NSUN4: variants seen among roughly 807,000 people sequenced by gnomAD.
The protein encoded by NSUN4 is NOP2/Sun RNA methyltransferase 4.
In NSUN4, 31 loss-of-function variants were observed where a neutral mutation model predicts 43.8. That is an observed-to-expected ratio of 0.71 (90% CI 0.53 to 0.96). The LOEUF (loss-of-function observed/expected upper bound fraction) is 0.96, where lower values mean the gene tolerates loss of function less well. Ranked by LOEUF, NSUN4 falls within the 40% of genes least tolerant of loss-of-function variation. NSUN4 has a pLI of 0.00. For synonymous variants in NSUN4, 167 were observed against 184.1 expected, an observed-to-expected ratio of 0.91 and a Z score of 0.75; for missense variants, 439 against 475.6, an observed-to-expected ratio of 0.92 and a Z score of 0.72.
chr1:46,347,912 C>G (rs897549956), intron 3 of NSUN4, among the ~76,000 whole-genome samples: 1 of 147,916 alleles, frequency 6.8e-6, no homozygotes, highest in Non-Finnish European at 1.5e-5. Context: ...GAGTCTCACT[C>G]TGTCACCCAG....
downstream of NSUN4, among the ~76,000 whole-genome samples, chr1:46,367,273 A>G (rs574759246): frequency 6.6e-6 from 1 of 152,146 alleles, no homozygotes; most frequent in Non-Finnish European, 1.5e-5. Flanking sequence ...CATGCCAGAA[A>G]CTGCAGCTAT....
At chr1:46,366,704 CAAAA>C (rs34437222), downstream of NSUN4, among the ~76,000 whole-genome samples, 144 of 59,406 alleles carry the variant, frequency 2.4e-3, 4 homozygotes, top group East Asian at 0.086. Context: ...ACTAAAAATA[CAAAA>C]AAAAAAAAAA....
At chr1:46,379,372 T>C in the NSUN4 span, among the ~76,000 whole-genome samples, 1 of 152,128 alleles carries the variant, frequency 6.6e-6, no homozygotes, top group African/African-American at 2.4e-5. Flanking sequence ...ATCCCAGCAC[T>C]TTTGGAGGCA....
chr1:46,368,281 A>C (rs1569781143), downstream of NSUN4, among the ~76,000 whole-genome samples: 1 of 151,896 alleles, frequency 6.6e-6, no homozygotes, highest in Non-Finnish European at 1.5e-5. Context: ...AATTCCTCCC[A>C]TCCTGTCCCA....
At chr1:46,360,919 A>C in intron 5 of NSUN4, 91 bp downstream of exon 5, 1 of 1,386,198 alleles carries the variant, frequency 7.2e-7, no homozygotes, top group Non-Finnish European at 1.0e-6. Flanking sequence ...CATAACCCAC[A>C]CAAGAATCTT....
At position 46,360,242 on chromosome 1, in the gene NSUN4, AAAAAAAAATAT is replaced by A. The variant is rs1419980314; in HGVS notation, c.754-460_754-450del. Among the ~76,000 whole-genome samples the A allele has an allele frequency of 5.0e-4, 21 of 42,274 alleles. 1 individual carries two copies. The East Asian group carries it at 6.6e-3, about 13-fold the overall frequency. The allele number at this position is 42,274 out of a possible 152,430, so 27.7% of individuals were successfully genotyped here. On this transcript the variant is annotated intron_variant, in intron 4 of 5. Coordinates refer to ENST00000474844, the MANE Select transcript of NSUN4 (RefSeq NM_199044.4). Reference sequence around the variant, plus strand: ...AGACTCCATCTCAAAAAAAAAAAAAAAAAAAAAATATATATATATATATATATATATATATG... The same window carrying A: ...AGACTCCATCTCAAAAAAAAAAAAAAATATATATATATATATATATATATG...
At chr1:46,375,281 C>T in the NSUN4 span, among the ~76,000 whole-genome samples, 623 of 151,892 alleles carry the variant, frequency 4.1e-3, 4 homozygotes, top group African/African-American at 0.014. Context: ...ACTAAAAATA[C>T]AAAACTAGCC....
the NSUN4 span, among the ~76,000 whole-genome samples, chr1:46,379,485 C>T: frequency 2.6e-5 from 4 of 152,194 alleles, no homozygotes; most frequent in East Asian, 1.9e-4. Flanking sequence ...CGTGGTGGTG[C>T]GTGCCCATAG....
intron 3 of NSUN4, among the ~76,000 whole-genome samples, chr1:46,348,591 C>G (rs941489012): frequency 6.6e-6 from 1 of 151,522 alleles, no homozygotes; most frequent in African/African-American, 2.4e-5. Context: ...GTGGGCTAAT[C>G]CCAACTACTT....
chr1:46,355,614 A>G (rs1272032680), intron 4 of NSUN4, among the ~76,000 whole-genome samples: 1 of 152,218 alleles, frequency 6.6e-6, no homozygotes, highest in Non-Finnish European at 1.5e-5. Context: ...TATTATTTCC[A>G]TTCATTGATC....
the NSUN4 span, among the ~76,000 whole-genome samples, chr1:46,371,866 G>A: frequency 6.6e-6 from 1 of 152,142 alleles, no homozygotes; most frequent in Admixed American, 6.5e-5. Context: ...CAGATCTCAT[G>A]TGAACTCAGA....
chr1:46,382,507 T>A, the NSUN4 span, among the ~76,000 whole-genome samples: 1 of 152,214 alleles, frequency 6.6e-6, no homozygotes, highest in Non-Finnish European at 1.5e-5. Flanking sequence ...TTTTATTTTT[T>A]AAATACTTAA....
At chr1:46,376,096 TA>T in the NSUN4 span, among the ~76,000 whole-genome samples, 25 of 40,890 alleles carry the variant, frequency 6.1e-4, no homozygotes, top group South Asian at 1.8e-3. Context: ...AGAGCGAAAC[TA>T]AAAAAAAAAA....
At chr1:46,373,464 G>A in the NSUN4 span, among the ~76,000 whole-genome samples, 1 of 152,234 alleles carries the variant, frequency 6.6e-6, no homozygotes, top group East Asian at 1.9e-4. Context: ...TGGTGGCTGG[G>A]AAGTCCAAGG....
chr1:46,351,132 G>A (rs1662945908), intron 3 of NSUN4, among the ~76,000 whole-genome samples: 1 of 152,128 alleles, frequency 6.6e-6, no homozygotes, highest in African/African-American at 2.4e-5. Flanking sequence ...TTGGGAGGCC[G>A]ACGCAGGCAG....
In NSUN4 at chr1:46,344,911, C is replaced by T. The variant is rs147903749; in HGVS notation, c.204C>T (p.Leu68=). The T allele has an allele frequency of 8.0e-4, 1,295 of 1,614,218 alleles. 5 individuals are homozygous for T. Among genetic ancestry groups the T allele is most frequent in the South Asian group, 9.4e-4 (86 of 91,088 alleles). The change falls in exon 2 of 6, where the codon CTC becomes CTT. Residue 68 remains leucine, a synonymous_variant. Transcript: ENST00000474844. ...DLWPSIRVSL[L]SEQKYGALVN... ...GGCCATCAATCCGTGTCAGTCTCCT[C>T]TCAGAGCAGAAGTATGGTGCACTGG...
chr1:46,379,190 A>G, the NSUN4 span, among the ~76,000 whole-genome samples: 3 of 149,602 alleles, frequency 2.0e-5, no homozygotes, highest in Non-Finnish European at 3.0e-5. Context: ...GGGGGCCCAG[A>G]TATCTGCATT....
chr1:46,384,068 CAGG>C, the NSUN4 span, among the ~76,000 whole-genome samples: 3 of 152,016 alleles, frequency 2.0e-5, no homozygotes, highest in Admixed American at 6.5e-5. Context: ...TATGGCAGAG[CAGG>C]AGATCGGAAT....
intron 3 of NSUN4, among the ~76,000 whole-genome samples, chr1:46,348,446 C>G (rs991557042): frequency 6.6e-6 from 1 of 152,096 alleles, no homozygotes; most frequent in Non-Finnish European, 1.5e-5. Context: ...GGCACGGTGG[C>G]TCACGCCTAT....
Sources: allele counts gnomAD v4.1 joint callset (sites outside exome capture counted in the v4.1 genomes callset), GRCh38; gene constraint gnomAD v4.1.1; transcripts MANE v1.5; gene names NCBI Gene and HGNC (gene_info 2026-07-23, HGNC 2026-07-21).